SLC4A8: variants seen among roughly 807,000 people sequenced by gnomAD.
SLC4A8 encodes electroneutral sodium bicarbonate exchanger 1.
In SLC4A8, 40 loss-of-function variants were observed where a neutral mutation model predicts 125.0. The ratio of observed to expected loss-of-function variants is 0.32; its 90% confidence interval spans 0.25 to 0.42. SLC4A8 has a LOEUF of 0.42. Among genes scored for constraint, SLC4A8 ranks in the 10% least tolerant of loss-of-function variants. The pLI, the probability that SLC4A8 is intolerant of heterozygous loss-of-function variation, is 1.00. For synonymous variants in SLC4A8, 456 were observed against 476.0 expected (o/e 0.96, Z 0.55); for missense variants, 863 against 1,355.1 (o/e 0.64, Z 5.70).
At chr12:51,464,184 T>G in intron 11 of SLC4A8, among the ~76,000 whole-genome samples, 1 of 152,214 alleles carries the variant, frequency 6.6e-6, no homozygotes, top group East Asian at 1.9e-4. Flanking sequence ...TTGTCTTTTC[T>G]GCTAGGCTGT....
chr12:51,438,782 A>G (rs1301826287), intron 1 of SLC4A8, among the ~76,000 whole-genome samples: 3 of 152,146 alleles, frequency 2.0e-5, no homozygotes, highest in African/African-American at 4.8e-5. Context: ...TATCCTTGCC[A>G]GCATTTGTTA....
chr12:51,504,079 C>T lies in SLC4A8; in HGVS notation c.3132C>T (p.Ser1044=). 6.3e-7 allele frequency: 1 copy of T among 1,589,180 alleles called. No individual in the cohort carries two copies. The highest frequency in any genetic ancestry group is 8.6e-7 in the Non-Finnish European group (1 of 1,166,238). Residue 1044 remains serine, a synonymous_variant, in exon 23 of 25, where the codon AGC becomes AGT. Coordinates refer to ENST00000453097, the MANE Select transcript of SLC4A8 (RefSeq NM_001039960.3). ...GGGGAGACAAGTTTCCCTTAGAGAG[C>T]AGGAAGTTACTAAGTAGTCCTGGAA... ...EIGGDKFPLE[S]RKLLSSPGKN...
chr12:51,458,951 TC>T (rs1389752129), intron 7 of SLC4A8, among the ~76,000 whole-genome samples: 2 of 152,202 alleles, frequency 1.3e-5, no homozygotes, highest in Admixed American at 6.5e-5. Flanking sequence ...TGGTACCTGC[TC>T]TCCAGCAGTT....
rs182844885 is a variant in SLC4A8, at chr12:51,446,857, T to G, written c.131-4019T>G. On this transcript the variant is annotated intron_variant, in intron 2 of 24. Coordinates refer to ENST00000453097, the MANE Select transcript of SLC4A8 (RefSeq NM_001039960.3). ...GAACATTTATGGAACAATGACCATGTGTGAAACACTGTGCTTGATTATGTA... is the reference window on the plus strand; with the variant it reads ...GAACATTTATGGAACAATGACCATGGGTGAAACACTGTGCTTGATTATGTA... Among the ~76,000 whole-genome samples, 96 of 152,354 alleles carry G rather than the reference T, an allele frequency of 6.3e-4. 1 individual carries two copies. The highest frequency in any genetic ancestry group is 2.4e-3 in the Admixed American group (37 of 15,304).
chr12:51,404,049 G>T (rs539648728), intron 1 of SLC4A8, among the ~76,000 whole-genome samples: 1 of 152,336 alleles, frequency 6.6e-6, no homozygotes, highest in Non-Finnish European at 1.5e-5. Flanking sequence ...GACAAGGGAA[G>T]TAGGCTTCAC....
intron 11 of SLC4A8, chr12:51,466,495 T>C (rs1301140446): frequency 6.6e-6 from 1 of 151,924 alleles, no homozygotes; most frequent in Non-Finnish European, 1.5e-5. Flanking sequence ...CTCCAGAGCC[T>C]AGTGACCCTC....
At chr12:51,475,491 T>G (rs1276518733) in intron 16 of SLC4A8, among the ~76,000 whole-genome samples, 3 of 152,260 alleles carry the variant, frequency 2.0e-5, no homozygotes, top group African/African-American at 7.2e-5. Context: ...TCCAGAATGC[T>G]GTTACGTTTC....
chr12:51,492,090 T>TTTTTG (rs1337552008), intron 19 of SLC4A8, among the ~76,000 whole-genome samples: 10 of 152,206 alleles, frequency 6.6e-5, no homozygotes, highest in Admixed American at 2.6e-4. Flanking sequence ...AGAGAGGTTT[T>TTTTTG]TTTTGTTTTG....
rs562828176 is a variant in SLC4A8, at chr12:51,432,303, C to T, written c.48+7268C>T. 3.4e-3 allele frequency among the ~76,000 whole-genome samples: 499 copies of T among 148,332 alleles called. 2 individuals carry two copies. The highest frequency in any genetic ancestry group is 0.012 in the African/African-American group (471 of 40,174). On this transcript the variant is annotated intron_variant, in intron 1 of 24. Coordinates refer to ENST00000453097, the MANE Select transcript of SLC4A8 (RefSeq NM_001039960.3). Reference sequence around the variant, plus strand: ...GCGGGCGCCTGTAGTCCCACCTACTCGGGAGGCTGAGGCAGGAGAATGGCA... The same window carrying T: ...GCGGGCGCCTGTAGTCCCACCTACTTGGGAGGCTGAGGCAGGAGAATGGCA...
intron 11 of SLC4A8, chr12:51,469,223 C>CT (rs776076733): frequency 3.5e-4 from 56 of 157,994 alleles, no homozygotes; most frequent in Non-Finnish European, 6.5e-4. Flanking sequence ...GTGATAGGGG[C>CT]TTTTTTATCT....
chr12:51,423,922 G>C (rs1948856430), upstream of SLC4A8, among the ~76,000 whole-genome samples: 1 of 151,586 alleles, frequency 6.6e-6, no homozygotes, highest in Admixed American at 6.6e-5. Flanking sequence ...TGTAATCCCA[G>C]CTACTCAGGA....
At chr12:51,409,618 T>C (rs897906386) in intron 1 of SLC4A8, among the ~76,000 whole-genome samples, 2 of 152,176 alleles carry the variant, frequency 1.3e-5, no homozygotes, top group African/African-American at 4.8e-5. Context: ...GGTGCAATCA[T>C]AGTGCACTGC....
In SLC4A8 at chr12:51,460,062, C is replaced by G. The variant is rs867472921; in HGVS notation, c.967C>G (p.Pro323Ala). The G allele has an allele frequency of 1.2e-6, 2 of 1,613,658 alleles. No homozygotes were observed. The highest frequency in any genetic ancestry group is 1.7e-6 in the Non-Finnish European group (2 of 1,179,744). ...CATTGTTGCCTTTGTGAGGCTGTCT[C>G]CAGCTGTTCTTCTCTCAGGCCTAAC... Reference protein sequence around the residue: ...RPIVAFVRLSPAVLLSGLTEV... With the variant: ...RPIVAFVRLSAAVLLSGLTEV... The change falls in exon 8 of 25, where the codon CCA becomes GCA. Residue 323 changes from proline to alanine, a missense_variant. By Grantham distance (27) the Pro-to-Ala change is conservative. Coordinates refer to ENST00000453097, the MANE Select transcript of SLC4A8 (RefSeq NM_001039960.3).
At chr12:51,457,953 T>C (rs1209369432) in intron 6 of SLC4A8, among the ~76,000 whole-genome samples, 2 of 152,210 alleles carry the variant, frequency 1.3e-5, no homozygotes, top group Non-Finnish European at 2.9e-5. Context: ...GCTTTACCAC[T>C]CACAAAATGT....
Position 51,507,420 on chromosome 12 carries a change from A to G in SLC4A8, c.3270-6A>G. The stretch of plus-strand genomic sequence containing the variant: ...CTTTTTGTCTAATTGTAACACTTTT[A>G]TTCAGTCTCTTCAACTAAGAGTCTT... On this transcript the variant is annotated splice_region_variant and splice_polypyrimidine_tract_variant and intron_variant, in intron 24 of 24. Transcript: ENST00000453097. 1 of 1,389,890 alleles carries G rather than the reference A, an allele frequency of 7.2e-7. No individual in the cohort carries two copies. The highest frequency in any genetic ancestry group is 9.4e-7 in the Non-Finnish European group (1 of 1,062,926). 86.1% of individuals were successfully genotyped at this position (1,389,890 alleles called of 1,614,324 possible). A position where few individuals can be genotyped will look rare whatever the true frequency, so the allele number is the denominator to read the frequency against.
chr12:51,442,833 G>A (rs576260507), intron 2 of SLC4A8, among the ~76,000 whole-genome samples: 2 of 152,258 alleles, frequency 1.3e-5, no homozygotes, highest in East Asian at 3.9e-4. Flanking sequence ...GACTCACTCC[G>A]AAGGGCAGCC....
chr12:51,480,721 A>G, intron 16 of SLC4A8: 1 of 551,058 alleles, frequency 1.8e-6, no homozygotes, highest in Non-Finnish European at 2.3e-6. Flanking sequence ...ATTTACAGAA[A>G]AGACTACTGG....
chr12:51,426,909 A>T (rs915108906), intron 1 of SLC4A8, among the ~76,000 whole-genome samples: 1 of 149,506 alleles, frequency 6.7e-6, no homozygotes. Context: ...AGTAAATGAG[A>T]TCATGAACAG....
At chr12:51,496,609 T>G (rs1034686776) in intron 21 of SLC4A8, among the ~76,000 whole-genome samples, 1 of 152,212 alleles carries the variant, frequency 6.6e-6, no homozygotes, top group East Asian at 1.9e-4. Context: ...GAACCCATCA[T>G]CCCACTGTGA....
Sources: allele counts gnomAD v4.1 joint callset (sites outside exome capture counted in the v4.1 genomes callset), GRCh38; gene constraint gnomAD v4.1.1; transcripts MANE v1.5; gene names NCBI Gene and HGNC (gene_info 2026-07-23, HGNC 2026-07-21).